Variants in PDE1C observed in about 807,000 individuals in gnomAD.
PDE1C encodes the protein phosphodiesterase 1C.
In PDE1C, 62 loss-of-function variants were observed where a neutral mutation model predicts 93.1. The ratio of observed to expected loss-of-function variants is 0.67; its 90% CI spans 0.54 to 0.82. The LOEUF (loss-of-function observed/expected upper bound fraction) is 0.82, where lower values mean the gene tolerates loss of function less well. Among genes scored for constraint, PDE1C ranks in the 40% least tolerant of loss-of-function variants. The pLI is 0.00. For missense variants in PDE1C, 742 were observed against 884.6 expected (o/e 0.84, Z 2.04); for synonymous variants, 325 against 310.1 (o/e 1.05, Z -0.50).
rs540112859 is a variant in PDE1C, at chr7:32,122,236, C to T, written c.308+47549G>A. On this transcript the variant is annotated intron_variant, in intron 3 of 18. Transcript: ENST00000396193. ...GATTTATAAAATAAGTTCTTAGAGA[C>T]CTACAAAGAGACTTAGACTCCCAAA... 7.2e-5 allele frequency among the ~76,000 whole-genome samples: 11 copies of T among 152,254 alleles called. No homozygotes were observed. The South Asian group carries it at 1.7e-3, about 23-fold the overall frequency.
At chr7:31,789,238 T>A (rs1784319235) in intron 16 of PDE1C, 1 of 152,202 alleles carries the variant, frequency 6.6e-6, no homozygotes, top group African/African-American at 2.4e-5. Context: ...TCAAGGGGGC[T>A]GCAATGTTAT....
At chr7:31,647,732 G>A in the PDE1C span, among the ~76,000 whole-genome samples, 35 of 149,224 alleles carry the variant, frequency 2.3e-4, no homozygotes, top group Non-Finnish European at 4.7e-4. Flanking sequence ...CAACGACGAC[G>A]ACAATGGGAG....
chr7:32,321,010 G>T (rs1783281115), intron 1 of PDE1C, among the ~76,000 whole-genome samples: 1 of 152,150 alleles, frequency 6.6e-6, no homozygotes, highest in South Asian at 2.1e-4. Context: ...TTTGGAATGG[G>T]GAGAGAACGA....
At chr7:32,364,988 C>T (rs1388670389) in intron 1 of PDE1C, among the ~76,000 whole-genome samples, 1 of 152,256 alleles carries the variant, frequency 6.6e-6, no homozygotes, top group Non-Finnish European at 1.5e-5. Flanking sequence ...ATGCTTTCCT[C>T]AAGTGGGAGA....
At chr7:31,965,401 T>G (rs1442503385) in intron 2 of PDE1C, among the ~76,000 whole-genome samples, 1 of 151,860 alleles carries the variant, frequency 6.6e-6, no homozygotes, top group Non-Finnish European at 1.5e-5. Context: ...GAAGAGAAGT[T>G]TAGAGAAAAA....
the PDE1C span, among the ~76,000 whole-genome samples, chr7:31,713,421 C>G: frequency 6.6e-6 from 1 of 152,230 alleles, no homozygotes. Flanking sequence ...ATAGTCCCCC[C>G]TGGCTGCTTT....
chr7:31,742,254 T>G, the PDE1C span, among the ~76,000 whole-genome samples: 1 of 152,248 alleles, frequency 6.6e-6, no homozygotes, highest in Non-Finnish European at 1.5e-5. Flanking sequence ...AGTCCTGTGC[T>G]CTTCCGGCAC....
intron 2 of PDE1C, among the ~76,000 whole-genome samples, chr7:32,036,622 GAA>G (rs1293234599): frequency 1.3e-5 from 2 of 152,176 alleles, no homozygotes; most frequent in East Asian, 3.9e-4. Context: ...TGTCCCGAAT[GAA>G]AAAGAGATAT....
intron 1 of PDE1C, among the ~76,000 whole-genome samples, chr7:32,324,642 CAG>C (rs1362400493): frequency 6.6e-6 from 1 of 152,216 alleles, no homozygotes; most frequent in Non-Finnish European, 1.5e-5. Context: ...CAGAACTCCT[CAG>C]AGTCTTTAAG....
intron 1 of PDE1C, among the ~76,000 whole-genome samples, chr7:32,240,367 A>C (rs917136023): frequency 1.3e-5 from 2 of 152,230 alleles, no homozygotes; most frequent in African/African-American, 4.8e-5. Flanking sequence ...CTAGGGATTC[A>C]ACAGTGAACA....
chr7:31,738,388 C>T, the PDE1C span, among the ~76,000 whole-genome samples: 15 of 152,142 alleles, frequency 9.9e-5, no homozygotes, highest in Non-Finnish European at 1.9e-4. Context: ...CAGGCAAGAG[C>T]GCTTGCGCAG....
chr7:31,619,754 CGCAGGTCAGTGGGT>C, the PDE1C span, among the ~76,000 whole-genome samples: 1 of 152,196 alleles, frequency 6.6e-6, no homozygotes, highest in African/African-American at 2.4e-5. Context: ...AGACAGTGGG[CGCAGGTCAGTGGGT>C]GCAGCGCACC....
At chr7:32,313,795 C>A (rs10951329) in intron 1 of PDE1C, among the ~76,000 whole-genome samples, 11,000 of 150,002 alleles carry the variant, frequency 0.073, 510 homozygotes, top group East Asian at 0.12. Flanking sequence ...AGGAGATATA[C>A]CTAATGCTAA....
rs930717053 is a variant in PDE1C at position 32,317,426 on chromosome 7, C to T, written c.311-107887G>A. ...GACCCGTCCTCTCAAAGGCTCAATC[C>T]ACCTTTGCCTCTCTTTGTCTACTGA... On this transcript the variant is annotated intron_variant, in intron 1 of 1. Coordinates refer to the PDE1C transcript ENST00000672256. Among the ~76,000 whole-genome samples the T allele has an allele frequency of 2.6e-5, 4 of 152,222 alleles. No homozygotes were observed. The South Asian group carries it at 6.2e-4, about 24-fold the overall frequency.
intron 5 of PDE1C, among the ~76,000 whole-genome samples, chr7:31,876,084 C>T (rs1796554421): frequency 6.6e-6 from 1 of 151,642 alleles, no homozygotes; most frequent in Admixed American, 6.6e-5. Flanking sequence ...TTTTTTCTAA[C>T]ATGTAGTACA....
At chr7:32,008,796 T>C (rs1026924210) in intron 2 of PDE1C, among the ~76,000 whole-genome samples, 3 of 152,206 alleles carry the variant, frequency 2.0e-5, no homozygotes, top group Admixed American at 6.5e-5. Context: ...CAGCATCAAA[T>C]AGATGCTACC....
intron 17 of PDE1C, among the ~76,000 whole-genome samples, chr7:31,763,484 C>T (rs183460782): frequency 7.0e-4 from 106 of 152,226 alleles, no homozygotes; most frequent in African/African-American, 2.2e-3. Flanking sequence ...GCTTGGGGCA[C>T]GTCACAGAGC....
At chr7:32,370,293 C>T (rs1352254849) in intron 1 of PDE1C, among the ~76,000 whole-genome samples, 1 of 151,836 alleles carries the variant, frequency 6.6e-6, no homozygotes, top group East Asian at 1.9e-4. Context: ...ACTAAAAATA[C>T]AAAAAATTAG....
At chr7:32,131,746 A>C (rs1315079160) in intron 3 of PDE1C, among the ~76,000 whole-genome samples, 2 of 152,176 alleles carry the variant, frequency 1.3e-5, no homozygotes, top group African/African-American at 2.4e-5. Context: ...ATTGCCTTCC[A>C]AATGATTTCA....
Sources: gnomAD v4.1 joint callset for allele counts (sites outside exome capture counted in the v4.1 genomes callset) on GRCh38, gnomAD v4.1.1 for gene constraint, MANE v1.5 for transcripts, NCBI Gene and HGNC (gene_info 2026-07-23, HGNC 2026-07-21) for gene names.